PPM1H: variants seen among roughly 807,000 people sequenced by gnomAD.
PPM1H encodes protein phosphatase, Mg2+/Mn2+ dependent 1H.
In PPM1H, 27 loss-of-function variants were observed where a neutral mutation model predicts 54.9. That is an observed-to-expected ratio of 0.49 (90% CI 0.36 to 0.68). PPM1H has a LOEUF of 0.68. PPM1H is among the 30% of genes least tolerant of loss of function. The pLI is 0.00. For synonymous variants in PPM1H, 305 were observed against 270.8 expected, an observed-to-expected ratio of 1.13 and a Z score of -1.24; for missense variants, 596 against 667.8, an observed-to-expected ratio of 0.89 and a Z score of 1.19.
intron 6 of PPM1H, among the ~76,000 whole-genome samples, chr12:62,714,770 G>A (rs565839903): frequency 1.2e-4 from 19 of 152,284 alleles, no homozygotes; most frequent in African/African-American, 3.8e-4. Context: ...CCATCATAAC[G>A]TTAGAAAGGC....
chr12:62,734,058 G>A (rs1389596776), intron 5 of PPM1H, among the ~76,000 whole-genome samples: 1 of 151,798 alleles, frequency 6.6e-6, no homozygotes, highest in Non-Finnish European at 1.5e-5. Flanking sequence ...CATGAGGGTA[G>A]AGCCCTCATA....
chr12:62,787,253 G>A (rs1396622188), intron 4 of PPM1H, among the ~76,000 whole-genome samples: 1 of 152,106 alleles, frequency 6.6e-6, no homozygotes, highest in Non-Finnish European at 1.5e-5. Context: ...CCTCAAAAAG[G>A]GTGGAGCAAG....
At chr12:62,746,307 T>C (rs1184515153) in intron 4 of PPM1H, among the ~76,000 whole-genome samples, 2 of 152,240 alleles carry the variant, frequency 1.3e-5, no homozygotes, top group Non-Finnish European at 2.9e-5. Context: ...AAGAACTGAC[T>C]TGAAACTATG....
In PPM1H at chr12:62,667,310, G is replaced by T; in HGVS notation, c.1265C>A (p.Ser422Ter). 1 of 1,600,004 alleles carries T rather than the reference G, an allele frequency of 6.2e-7. No individual in the cohort carries two copies. Among genetic ancestry groups the T allele is most frequent in the East Asian group, 2.2e-5 (1 of 44,682 alleles). Reference sequence around the variant, plus strand: ...ATCATCTGATCCATGATCATATTTTGAAAGATCGTAGATTCTTACCTGAAA... The same window carrying T: ...ATCATCTGATCCATGATCATATTTTTAAAGATCGTAGATTCTTACCTGAAA... ...SAPEVRIYDL[S>*]KYDHGSDDVL... The change falls in exon 9 of 10, where the codon TCA becomes TAA. Residue 422 changes from serine to a stop codon, truncating the protein, a stop_gained. Coordinates refer to ENST00000228705, the MANE Select transcript of PPM1H (RefSeq NM_020700.2). LOFTEE classifies it high-confidence loss of function.
At chr12:62,684,255 C>G (rs145220956) in intron 8 of PPM1H, among the ~76,000 whole-genome samples, 12 of 152,218 alleles carry the variant, frequency 7.9e-5, no homozygotes, top group Non-Finnish European at 1.5e-4. Context: ...GGCCTGTGCT[C>G]GACTGGTGGT....
intron 3 of PPM1H, among the ~76,000 whole-genome samples, chr12:62,798,147 A>G (rs73130065): frequency 0.069 from 10,519 of 152,304 alleles, 498 homozygotes; most frequent in Middle Eastern, 0.11. Context: ...TCACAGAGAC[A>G]GTCTGTAGTC....
At chr12:62,815,884 C>G (rs1239245374) in intron 2 of PPM1H, among the ~76,000 whole-genome samples, 3 of 152,046 alleles carry the variant, frequency 2.0e-5, no homozygotes, top group Admixed American at 2.0e-4. Context: ...AAATGATGGT[C>G]TTTCTATAAT....
At chr12:62,673,327 T>G (rs2075966820) in intron 8 of PPM1H, among the ~76,000 whole-genome samples, 1 of 152,228 alleles carries the variant, frequency 6.6e-6, no homozygotes, top group South Asian at 2.1e-4. Flanking sequence ...CACTTAGTGC[T>G]CGGCTGCAGG....
intron 4 of PPM1H, among the ~76,000 whole-genome samples, chr12:62,770,293 C>T (rs1329523258): frequency 1.3e-5 from 2 of 152,048 alleles, no homozygotes; most frequent in Non-Finnish European, 2.9e-5. Flanking sequence ...CAGATAAGGC[C>T]TCTTATTATC....
chr12:62,675,634 C>T (rs529073380), intron 8 of PPM1H, among the ~76,000 whole-genome samples: 32 of 152,262 alleles, frequency 2.1e-4, no homozygotes, highest in Admixed American at 3.3e-4. Flanking sequence ...TTTTGATTTG[C>T]GCCTGTTTTT....
chr12:62,739,156 T>G (rs1290881818), intron 4 of PPM1H, among the ~76,000 whole-genome samples: 2 of 152,148 alleles, frequency 1.3e-5, no homozygotes, highest in Admixed American at 6.5e-5. Context: ...AGGCCTCTTA[T>G]AATACTCCTT....
chr12:62,782,296 C>G (rs1190770847), intron 4 of PPM1H, among the ~76,000 whole-genome samples: 1 of 152,126 alleles, frequency 6.6e-6, no homozygotes, highest in Non-Finnish European at 1.5e-5. Flanking sequence ...CATAATATTT[C>G]ATTATTTTAC....
chr12:62,785,907 G>C (rs140673305), intron 4 of PPM1H, among the ~76,000 whole-genome samples: 2,728 of 151,882 alleles, frequency 0.018, 83 homozygotes, highest in African/African-American at 0.063. Flanking sequence ...GAGGAGTTGA[G>C]TCTCGAAGAA....
intron 9 of PPM1H, among the ~76,000 whole-genome samples, chr12:62,654,047 A>G (rs1476212537): frequency 2.6e-5 from 4 of 151,936 alleles, no homozygotes; most frequent in Admixed American, 6.6e-5. Flanking sequence ...GTTAGACACC[A>G]GCCTAGGCAA....
intron 9 of PPM1H, among the ~76,000 whole-genome samples, chr12:62,657,337 A>G (rs1295624578): frequency 1.3e-5 from 2 of 152,186 alleles, no homozygotes; most frequent in East Asian, 3.9e-4. Flanking sequence ...TTCCTTCTCA[A>G]TCCTCCCTGG....
intron 2 of PPM1H, among the ~76,000 whole-genome samples, chr12:62,830,584 G>A (rs1868342676): frequency 6.6e-6 from 1 of 152,050 alleles, no homozygotes; most frequent in African/African-American, 2.4e-5. Flanking sequence ...AGACAAAACT[G>A]AGGCTCAAAG....
At chr12:62,931,102 A>G (rs1364126713) in intron 1 of PPM1H, among the ~76,000 whole-genome samples, 1 of 152,140 alleles carries the variant, frequency 6.6e-6, no homozygotes, top group Non-Finnish European at 1.5e-5. Flanking sequence ...AGATTAGACC[A>G]TTTCTCCTTA....
chr12:62,689,005 A>C (rs1199406609), intron 8 of PPM1H, among the ~76,000 whole-genome samples: 2 of 152,156 alleles, frequency 1.3e-5, no homozygotes, highest in Non-Finnish European at 2.9e-5. Flanking sequence ...CAAAATACAA[A>C]ACAAAACAAA....
chr12:62,713,619 C>T (rs781442916), intron 6 of PPM1H, among the ~76,000 whole-genome samples: 8 of 152,104 alleles, frequency 5.3e-5, no homozygotes, highest in East Asian at 1.9e-4. Context: ...CACCAGAGGC[C>T]GGTGTGGCTA....
Sources: gnomAD v4.1 joint callset for allele counts (sites outside exome capture counted in the v4.1 genomes callset) on GRCh38, gnomAD v4.1.1 for gene constraint, MANE v1.5 for transcripts, NCBI Gene and HGNC (gene_info 2026-07-23, HGNC 2026-07-21) for gene names.